TMEM117: variants seen among roughly 807,000 people sequenced by gnomAD.
TMEM117 encodes the protein transmembrane protein 117.
A neutral mutation model predicts 52.4 loss-of-function variants in TMEM117; 27 were observed. That is an observed-to-expected ratio of 0.51 (90% CI 0.38 to 0.71). The LOEUF (loss-of-function observed/expected upper bound fraction) is 0.71. TMEM117 is among the 30% of genes least tolerant of loss of function. The probability of loss-of-function intolerance (pLI) is 0.00; values close to 1 mark genes in which losing one functional copy is unlikely to be tolerated. For missense variants in TMEM117, 556 were observed against 630.5 expected, an observed-to-expected ratio of 0.88 and a Z score of 1.26; for synonymous variants, 215 against 206.3, an observed-to-expected ratio of 1.04 and a Z score of -0.36.
chr12:44,053,977 A>G (rs1947013498), intron 3 of TMEM117, among the ~76,000 whole-genome samples: 1 of 152,210 alleles, frequency 6.6e-6, no homozygotes. Context: ...TTAGTTTTAA[A>G]TGTTCTTGGA....
intron 5 of TMEM117, among the ~76,000 whole-genome samples, chr12:44,283,441 C>T (rs138204920): frequency 8.3e-4 from 126 of 152,298 alleles, no homozygotes; most frequent in African/African-American, 2.6e-3. Flanking sequence ...TCAGCGTGAC[C>T]TGATTTTGAG....
intron 3 of TMEM117, among the ~76,000 whole-genome samples, chr12:43,972,742 G>T (rs1344975445): frequency 1.3e-5 from 2 of 152,082 alleles, no homozygotes; most frequent in Non-Finnish European, 2.9e-5. Context: ...AGCGCTGATG[G>T]CTGTGTTTTT....
chr12:43,892,879 G>T (rs970752674), intron 2 of TMEM117, among the ~76,000 whole-genome samples: 1 of 152,222 alleles, frequency 6.6e-6, no homozygotes, highest in East Asian at 1.9e-4. Flanking sequence ...AAGGGATGGG[G>T]TAGGCACTAT....
At chr12:44,390,612 T>C (rs571760891), downstream of TMEM117, among the ~76,000 whole-genome samples, 23 of 152,162 alleles carry the variant, frequency 1.5e-4, no homozygotes, top group African/African-American at 5.3e-4. Flanking sequence ...TATGTGTTTC[T>C]AGGGATTAGC....
At chr12:43,847,003 A>C (rs746208413) in intron 2 of TMEM117, among the ~76,000 whole-genome samples, 1 of 152,226 alleles carries the variant, frequency 6.6e-6, no homozygotes, top group African/African-American at 2.4e-5. Flanking sequence ...ATAGATGCAC[A>C]TAGTTTCTAG....
intron 3 of TMEM117, among the ~76,000 whole-genome samples, chr12:44,026,671 C>A (rs954341684): frequency 1.3e-5 from 2 of 152,090 alleles, no homozygotes; most frequent in African/African-American, 4.8e-5. Context: ...TCTTAATTGG[C>A]AAGTATGTGT....
chr12:44,073,480 G>A (rs1947335523), intron 3 of TMEM117: 2 of 152,068 alleles, frequency 1.3e-5, no homozygotes. Flanking sequence ...TACATTTAGT[G>A]TTTAATGAAT....
At chr12:44,000,969 A>G (rs1946107545) in intron 3 of TMEM117, among the ~76,000 whole-genome samples, 3 of 152,118 alleles carry the variant, frequency 2.0e-5, no homozygotes, top group African/African-American at 7.2e-5. Context: ...CCAGCTTTGA[A>G]GTTGTGGTGA....
rs1336972872 is a variant in TMEM117, at chr12:44,388,523, T to G, written c.1396T>G (p.Leu466Val). ...SVEDPLNDPS[L>V]VCIRSDFNEI... ...AGAAGACCCCTTGAATGACCCTTCTTTGGTTTGCATCAGGTCTGACTTCAA... is the reference window on the plus strand; with the variant it reads ...AGAAGACCCCTTGAATGACCCTTCTGTGGTTTGCATCAGGTCTGACTTCAA... The change falls in exon 8 of 8, where the codon TTG (leucine) becomes GTG (valine). Residue 466 changes from leucine (L) to valine (V), a missense_variant. Coordinates refer to ENST00000266534, the MANE Select transcript of TMEM117 (RefSeq NM_032256.3). The G allele has an allele frequency of 1.2e-6, 2 of 1,613,558 alleles. No individual in the cohort carries two copies. The highest frequency in any genetic ancestry group is 1.1e-5 in the South Asian group (1 of 91,072).
At chr12:44,319,822 G>C (rs1163113168) in intron 6 of TMEM117, among the ~76,000 whole-genome samples, 1 of 151,008 alleles carries the variant, frequency 6.6e-6, no homozygotes, top group Non-Finnish European at 1.5e-5. Context: ...TTTTTTTCTT[G>C]GCTCAAAACC....
intron 3 of TMEM117, among the ~76,000 whole-genome samples, chr12:43,959,987 C>T (rs940442422): frequency 1.3e-5 from 2 of 151,970 alleles, no homozygotes; most frequent in South Asian, 2.1e-4. Flanking sequence ...GGAAGAGAGC[C>T]GAGTTGTATG....
intron 5 of TMEM117, among the ~76,000 whole-genome samples, chr12:44,257,356 T>C (rs1950271718): frequency 6.6e-6 from 1 of 151,996 alleles, no homozygotes; most frequent in Non-Finnish European, 1.5e-5. Context: ...TCCACTCCAT[T>C]TGTTGTTTGT....
At chr12:44,363,558 G>GA (rs1951751038) in intron 6 of TMEM117, among the ~76,000 whole-genome samples, 1 of 151,978 alleles carries the variant, frequency 6.6e-6, no homozygotes, top group African/African-American at 2.4e-5. Context: ...ACTTGAAAAA[G>GA]AAAAATCATT....
intron 3 of TMEM117, among the ~76,000 whole-genome samples, chr12:43,989,976 G>C (rs1419448645): frequency 1.3e-5 from 2 of 152,026 alleles, no homozygotes; most frequent in Non-Finnish European, 2.9e-5. Context: ...TTATCTACTA[G>C]CTCTCAGATG....
chr12:44,221,733 C>T (rs950980055), intron 5 of TMEM117, among the ~76,000 whole-genome samples: 1 of 151,200 alleles, frequency 6.6e-6, no homozygotes, highest in Non-Finnish European at 1.5e-5. Context: ...GAGTCTCACT[C>T]TGTCAACCAG....
chr12:44,184,679 A>G (rs1949252365), intron 4 of TMEM117, among the ~76,000 whole-genome samples: 1 of 152,138 alleles, frequency 6.6e-6, no homozygotes, highest in African/African-American at 2.4e-5. Flanking sequence ...GAATGTCTTG[A>G]AAGCGATCCT....
chr12:44,006,501 A>C (rs1266240753), intron 3 of TMEM117, among the ~76,000 whole-genome samples: 1 of 152,180 alleles, frequency 6.6e-6, no homozygotes, highest in African/African-American at 2.4e-5. Flanking sequence ...TGCAGATTGA[A>C]TGATAGCTTT....
chr12:44,287,500 A>G (rs1004162855), intron 5 of TMEM117, among the ~76,000 whole-genome samples: 1 of 152,214 alleles, frequency 6.6e-6, no homozygotes, highest in African/African-American at 2.4e-5. Flanking sequence ...GCCAACATCC[A>G]TGAGGTTCCA....
At chr12:44,082,150 A>G (rs1276308138) in intron 3 of TMEM117, among the ~76,000 whole-genome samples, 1 of 151,992 alleles carries the variant, frequency 6.6e-6, no homozygotes, top group Admixed American at 6.6e-5. Flanking sequence ...ATTAATTTTT[A>G]TTTACACAGT....
Sources: gnomAD v4.1 joint callset for allele counts (sites outside exome capture counted in the v4.1 genomes callset) on GRCh38, gnomAD v4.1.1 for gene constraint, MANE v1.5 for transcripts, NCBI Gene and HGNC (gene_info 2026-07-23, HGNC 2026-07-21) for gene names.